SKAP1: variants seen among roughly 807,000 people sequenced by gnomAD.
SKAP1 encodes src kinase associated phosphoprotein 1.
SKAP1 carries 44 observed loss-of-function variants against 58.5 expected under a neutral mutation model. That is an observed-to-expected ratio of 0.75 (90% confidence interval 0.59 to 0.97). The LOEUF (loss-of-function observed/expected upper bound fraction) is 0.97, where lower values mean the gene tolerates loss of function less well. Among genes scored for constraint, SKAP1 ranks in the 50% least tolerant of loss-of-function variants. The pLI is 0.00. For missense variants in SKAP1, 390 were observed against 435.2 expected, an observed-to-expected ratio of 0.90 and a Z score of 0.92; for synonymous variants, 127 against 149.7, an observed-to-expected ratio of 0.85 and a Z score of 1.11.
At position 48,261,111 on chromosome 17, in the gene SKAP1, C is replaced by T. The variant is rs140066229; in HGVS notation, c.281-71611G>A. Among the ~76,000 whole-genome samples the T allele has an allele frequency of 4.9e-4, 75 of 152,218 alleles. 1 individual carries two copies. The highest frequency in any genetic ancestry group is 1.3e-3 in the Admixed American group (20 of 15,278). ...ATAGTTGTGTTTGGATCTGAACGACCCCTAAGTCTGCAAGTCCTAGGAGGG... is the reference window on the plus strand; with the variant it reads ...ATAGTTGTGTTTGGATCTGAACGACTCCTAAGTCTGCAAGTCCTAGGAGGG... On this transcript the variant is annotated intron_variant, in intron 4 of 12. Transcript: ENST00000336915.
chr17:48,373,751 C>G (rs1005087148), intron 2 of SKAP1, among the ~76,000 whole-genome samples: 3 of 152,098 alleles, frequency 2.0e-5, no homozygotes, highest in African/African-American at 7.2e-5. Flanking sequence ...GTCAATAACT[C>G]ACCCTTGCCC....
intron 4 of SKAP1, among the ~76,000 whole-genome samples, chr17:48,319,571 G>T (rs2066333620): frequency 6.6e-6 from 1 of 152,212 alleles, no homozygotes; most frequent in South Asian, 2.1e-4. Context: ...TGGGCCAGGT[G>T]TGGTGGCACA....
chr17:48,185,895 C>T lies in SKAP1; in HGVS notation c.443-1048G>A, dbSNP rs141413092. 4.6e-5 allele frequency: 7 copies of T among 152,266 alleles called. No individual in the cohort carries two copies. The East Asian group carries it at 1.3e-3, about 29-fold the overall frequency. 9.4% of individuals were successfully genotyped at this position (152,266 alleles called of 1,614,324 possible). A position where few individuals can be genotyped will look rare whatever the true frequency, so the allele number is the denominator to read the frequency against. On this transcript the variant is annotated intron_variant, in intron 6 of 12. Transcript: ENST00000336915. ...TTTTGTTAAAGTATCTCTCCTTGTT[C>T]TAACTGGCCACTAAAATGTTTTGTT...
At chr17:48,287,938 C>T (rs1019935628) in intron 4 of SKAP1, among the ~76,000 whole-genome samples, 1 of 152,110 alleles carries the variant, frequency 6.6e-6, no homozygotes, top group Admixed American at 6.6e-5. Flanking sequence ...AATAAAAACA[C>T]GTAACAGAAT....
At chr17:48,255,761 C>G (rs2065415810) in intron 4 of SKAP1, among the ~76,000 whole-genome samples, 1 of 151,938 alleles carries the variant, frequency 6.6e-6, no homozygotes, top group Non-Finnish European at 1.5e-5. Context: ...TAATATCAAC[C>G]CCCATAATTT....
intron 4 of SKAP1, among the ~76,000 whole-genome samples, chr17:48,274,295 C>G (rs1433910946): frequency 6.6e-6 from 1 of 151,988 alleles, no homozygotes; most frequent in African/African-American, 2.4e-5. Context: ...ACTCCAGAGG[C>G]TGAGGTAGGA....
chr17:48,243,123 A>C lies in SKAP1; in HGVS notation c.281-53623T>G, dbSNP rs532053929. On this transcript the variant is annotated intron_variant, in intron 4 of 12. Coordinates refer to ENST00000336915, the MANE Select transcript of SKAP1 (RefSeq NM_003726.4). The stretch of plus-strand genomic sequence containing the variant: ...AACTCGTCACACACTATTACCTTCC[A>C]GTCTTTAGGTAATCAGATACAAACA... Among the ~76,000 whole-genome samples the C allele has an allele frequency of 9.5e-4, 145 of 152,340 alleles. 1 individual carries two copies. The highest frequency in any genetic ancestry group is 2.8e-3 in the African/African-American group (115 of 41,572).
At chr17:48,399,589 C>T (rs1387484386) in intron 1 of SKAP1, among the ~76,000 whole-genome samples, 1 of 151,896 alleles carries the variant, frequency 6.6e-6, no homozygotes, top group South Asian at 2.1e-4. Flanking sequence ...AGAGAGATTC[C>T]ATCTCTACAA....
At chr17:48,299,389 T>C (rs994324691) in intron 4 of SKAP1, among the ~76,000 whole-genome samples, 1 of 152,322 alleles carries the variant, frequency 6.6e-6, no homozygotes, top group South Asian at 2.1e-4. Flanking sequence ...CTATCTGGTA[T>C]AGTGTTTTCC....
intron 4 of SKAP1, among the ~76,000 whole-genome samples, chr17:48,217,190 G>T (rs183870384): frequency 2.8e-4 from 43 of 151,900 alleles, no homozygotes; most frequent in African/African-American, 9.2e-4. Flanking sequence ...TCATTTTCAG[G>T]CCCCTTAAAT....
At chr17:48,280,753 C>T (rs978445957) in intron 4 of SKAP1, among the ~76,000 whole-genome samples, 4 of 152,148 alleles carry the variant, frequency 2.6e-5, no homozygotes, top group African/African-American at 9.7e-5. Context: ...ATGTCAAATA[C>T]ATGAAATCAT....
At chr17:48,249,969 C>T (rs1439803782) in intron 4 of SKAP1, among the ~76,000 whole-genome samples, 1 of 151,726 alleles carries the variant, frequency 6.6e-6, no homozygotes, top group Non-Finnish European at 1.5e-5. Context: ...CTAAAGCTTG[C>T]TGGTTGGAGC....
chr17:48,331,194 T>G (rs991983977), intron 4 of SKAP1, among the ~76,000 whole-genome samples: 1 of 152,182 alleles, frequency 6.6e-6, no homozygotes, highest in Non-Finnish European at 1.5e-5. Context: ...TTTTAGCTAC[T>G]TCTTTTGAAA....
chr17:48,423,380 A>G (rs192046718), intron 1 of SKAP1, among the ~76,000 whole-genome samples: 12 of 152,310 alleles, frequency 7.9e-5, no homozygotes, highest in Non-Finnish European at 4.4e-5. Context: ...TCATGCCCAC[A>G]GCTAAGTTTA....
chr17:48,197,914 T>A (rs1430974315), intron 4 of SKAP1, among the ~76,000 whole-genome samples: 3 of 152,182 alleles, frequency 2.0e-5, no homozygotes, highest in Admixed American at 6.5e-5. Context: ...ATCTTCACTT[T>A]CCGTGGGATT....
intron 4 of SKAP1, chr17:48,196,537 C>T (rs1049864264): frequency 1.3e-4 from 20 of 152,182 alleles, no homozygotes; most frequent in African/African-American, 4.8e-4. Flanking sequence ...AATAGTTTTT[C>T]AACCCTTGCT....
At chr17:48,175,143 T>C (rs752617315) in intron 9 of SKAP1, among the ~76,000 whole-genome samples, 91 of 152,188 alleles carry the variant, frequency 6.0e-4, no homozygotes, top group Non-Finnish European at 8.7e-4. Flanking sequence ...CACCTGGCTA[T>C]TTTCTGAAGT....
chr17:48,160,470 G>GT (rs1277429878), intron 11 of SKAP1, among the ~76,000 whole-genome samples: 1 of 77,080 alleles, frequency 1.3e-5, no homozygotes, highest in Non-Finnish European at 3.5e-5. Context: ...AAGGGGAAGA[G>GT]GTTTTTTTTT....
intron 4 of SKAP1, among the ~76,000 whole-genome samples, chr17:48,233,770 T>A (rs1234911991): frequency 1.3e-5 from 2 of 152,042 alleles, no homozygotes; most frequent in African/African-American, 2.4e-5. Context: ...GCAGAAGAAT[T>A]GCTTGAACCC....
Sources: allele counts gnomAD v4.1 joint callset (sites outside exome capture counted in the v4.1 genomes callset), GRCh38; gene constraint gnomAD v4.1.1; transcripts MANE v1.5; gene names NCBI Gene and HGNC (gene_info 2026-07-23, HGNC 2026-07-21).